The following SDK2 variants were observed in gnomAD, a reference collection of about 807,000 sequenced individuals.
SDK2 encodes the protein protein sidekick-2.
SDK2 carries 105 observed loss-of-function variants against 253.9 expected under a neutral mutation model. The ratio of observed to expected loss-of-function variants is 0.41; its 90% confidence interval spans 0.35 to 0.49. The LOEUF is 0.49. Ranked by LOEUF, SDK2 falls within the 20% of genes least tolerant of loss-of-function variation. SDK2 has a pLI of 0.06. For missense variants in SDK2, 2,608 were observed against 3,003.0 expected (o/e 0.87, Z 3.07); for synonymous variants, 1,249 against 1,234.9 (o/e 1.01, Z -0.24).
intron 27 of SDK2, among the ~76,000 whole-genome samples, chr17:73,391,838 G>A (rs897849173): frequency 1.8e-4 from 27 of 152,364 alleles, no homozygotes; most frequent in African/African-American, 6.3e-4. Context: ...AGAGCTGGGC[G>A]CGTGGGCCCT....
At chr17:73,498,447 G>A (rs995127388) in intron 2 of SDK2, among the ~76,000 whole-genome samples, 2 of 152,192 alleles carry the variant, frequency 1.3e-5, no homozygotes, top group Non-Finnish European at 2.9e-5. Context: ...CAGGGCAGGC[G>A]GGGCTGGCAC....
chr17:73,352,700 C>A lies in SDK2; in HGVS notation c.5594-63G>T. 6.4e-7 allele frequency: 1 copy of A among 1,559,276 alleles called. No individual in the cohort carries two copies. Among genetic ancestry groups the A allele is most frequent in the South Asian group, 1.1e-5 (1 of 86,988 alleles). ...GGGAAGCCCCAAATCCCGCTCCCAG[C>A]CCCGTTCTGACTATGCTCCCTGAGG... On this transcript the variant is annotated intron_variant, in intron 40 of 44. Coordinates refer to ENST00000392650, the MANE Select transcript of SDK2 (RefSeq NM_001144952.2). This position sits in a 1 kb window ranked among gnomAD's most constrained non-coding sequence, Gnocchi z 4.1.
chr17:73,556,638 A>G (rs1220821612), intron 1 of SDK2, among the ~76,000 whole-genome samples: 2 of 152,216 alleles, frequency 1.3e-5, no homozygotes, highest in South Asian at 2.1e-4. Context: ...CTGTTATTGT[A>G]TGGTTGTTAC....
Position 73,383,917 on chromosome 17 carries a change from C to T in SDK2, c.4664G>A (p.Arg1555Gln), listed in dbSNP as rs532828854. ...TGTGGCCCCTGGGTTGTTGATGCCTCGAAGCGTGAAGCCCCTCAGTCCTTC... is the reference window on the plus strand; with the variant it reads ...TGTGGCCCCTGGGTTGTTGATGCCTTGAAGCGTGAAGCCCCTCAGTCCTTC... ...LYEGLRGFTLRGINNPGATWA... is the reference protein window; with the variant it reads ...LYEGLRGFTLQGINNPGATWA... Residue 1555 changes from arginine (R) to glutamine (Q), a missense_variant, in exon 33 of 45, where the codon CGA (arginine) becomes CAA (glutamine). Transcript: ENST00000392650. This position sits in a 1 kb window ranked among gnomAD's most constrained non-coding sequence, Gnocchi z 4.3. 11 of 1,613,932 alleles carry T rather than the reference C, an allele frequency of 6.8e-6. No individual in the cohort carries two copies. The highest frequency in any genetic ancestry group is 2.2e-5 in the South Asian group (2 of 91,080).
chr17:73,591,953 A>G (rs1220357843), intron 1 of SDK2, among the ~76,000 whole-genome samples: 1 of 152,188 alleles, frequency 6.6e-6, no homozygotes, highest in East Asian at 1.9e-4. Context: ...AAGGCTGCCA[A>G]GAGCACACCC....
At chr17:73,365,821 G>A (rs1454381589) in intron 37 of SDK2, among the ~76,000 whole-genome samples, 1 of 152,118 alleles carries the variant, frequency 6.6e-6, no homozygotes, top group Non-Finnish European at 1.5e-5. Context: ...TTCGGTAGGC[G>A]CTAAACAAAG....
At chr17:73,536,531 T>A (rs2044776136) in intron 1 of SDK2, among the ~76,000 whole-genome samples, 1 of 152,116 alleles carries the variant, frequency 6.6e-6, no homozygotes, top group Admixed American at 6.5e-5. Context: ...CAGGGCTAGG[T>A]GTGCCGAAGC....
chr17:73,461,101 T>C (rs2063559831), intron 3 of SDK2, among the ~76,000 whole-genome samples: 1 of 152,242 alleles, frequency 6.6e-6, no homozygotes, highest in African/African-American at 2.4e-5. Context: ...ATTGCAATCC[T>C]GCATACACAT....
intron 3 of SDK2, among the ~76,000 whole-genome samples, chr17:73,459,147 G>A (rs1438054639): frequency 2.0e-5 from 3 of 152,020 alleles, no homozygotes; most frequent in Non-Finnish European, 2.9e-5. Context: ...AACTTCTCTG[G>A]GACATTACTG....
In SDK2 at chr17:73,338,462, A is replaced by G; in HGVS notation, c.*125T>C. 1 of 727,302 alleles carries G rather than the reference A, an allele frequency of 1.4e-6. No individual in the cohort carries two copies. Among genetic ancestry groups the G allele is most frequent in the Non-Finnish European group, 2.4e-6 (1 of 416,688 alleles). The allele number at this position is 727,302 out of a possible 1,614,324, so 45.1% of individuals were successfully genotyped here. A position where few individuals can be genotyped will look rare whatever the true frequency, so the allele number is the denominator to read the frequency against. ...TTGCTGGCCCTGGAATCTCTGGAAA[A>G]ATAAACTCAGGAGGTGAAAAGTTGA... On this transcript the variant is annotated 3_prime_UTR_variant, in exon 45 of 45. Transcript: ENST00000392650. This position sits in a 1 kb window ranked among gnomAD's most constrained non-coding sequence, Gnocchi z 5.0.
intron 1 of SDK2, among the ~76,000 whole-genome samples, chr17:73,538,847 C>T (rs182052792): frequency 6.6e-5 from 10 of 152,276 alleles, no homozygotes; most frequent in Non-Finnish European, 1.0e-4. Context: ...GATGGGGCAC[C>T]GACCAGTTAG....
chr17:73,523,975 T>C lies in SDK2; in HGVS notation c.65-16378A>G, dbSNP rs1267780905. ...CCTTAATCTGGTGTCTTCCACAGAA[T>C]AGGACCTCAGTGGACATTGAGCAAG... On this transcript the variant is annotated intron_variant, in intron 1 of 44. Coordinates refer to ENST00000392650, the MANE Select transcript of SDK2 (RefSeq NM_001144952.2). Among the ~76,000 whole-genome samples, 3 of 152,186 alleles carry C rather than the reference T, an allele frequency of 2.0e-5. No homozygotes were observed. The South Asian group carries it at 6.2e-4, about 32-fold the overall frequency.
rs1248323405 is a variant in SDK2 at position 73,541,963 on chromosome 17, T to C, written c.65-34366A>G. Among the ~76,000 whole-genome samples, 2 of 152,228 alleles carry C rather than the reference T, an allele frequency of 1.3e-5. No individual in the cohort carries two copies. The highest frequency in any genetic ancestry group is 2.9e-5 in the Non-Finnish European group (2 of 68,046). ...TCTCTGAGCCTGCCTCTTCTGCTGATAAACAGTGTCAATGGCATCTCTTTT... is the reference window on the plus strand; with the variant it reads ...TCTCTGAGCCTGCCTCTTCTGCTGACAAACAGTGTCAATGGCATCTCTTTT... On this transcript the variant is annotated intron_variant, in intron 1 of 44. Coordinates refer to ENST00000392650, the MANE Select transcript of SDK2 (RefSeq NM_001144952.2). This position sits in a 1 kb window ranked among gnomAD's most constrained non-coding sequence, Gnocchi z 4.3.
chr17:73,480,740 G>C (rs2063717117), intron 2 of SDK2, among the ~76,000 whole-genome samples: 1 of 152,048 alleles, frequency 6.6e-6, no homozygotes, highest in Admixed American at 6.6e-5. Context: ...AACAGAGTCA[G>C]AGAAAGAGAC....
rs1300864779 is a variant in SDK2 at position 73,424,088 on chromosome 17, T to G, written c.1588A>C (p.Ile530Leu). The change falls in exon 13 of 45, where the codon ATC (isoleucine) becomes CTC (leucine). Residue 530 changes from isoleucine (I) to leucine (L), a missense_variant. By Grantham distance (5) the Ile-to-Leu change is conservative. Around this residue, in one of 2 missense-constraint regions of SDK2, gnomAD observed 1,505 missense variants for 1,859.1 expected, o/e 0.81. Coordinates refer to ENST00000392650, the MANE Select transcript of SDK2 (RefSeq NM_001144952.2). ...THDPRVTIRYIWEKDGATLGT... is the reference protein window; with the variant it reads ...THDPRVTIRYLWEKDGATLGT... ...AGGGTGGCCCCGTCCTTCTCCCAGA[T>G]GTACCTAAAAGTAAGAAGAACCCGT... 2.5e-6 allele frequency: 4 copies of G among 1,611,362 alleles called. No individual in the cohort carries two copies. Among genetic ancestry groups the G allele is most frequent in the Non-Finnish European group, 3.4e-6 (4 of 1,179,370 alleles).
intron 1 of SDK2, among the ~76,000 whole-genome samples, chr17:73,548,826 G>A (rs1321173528): frequency 6.6e-6 from 1 of 152,236 alleles, no homozygotes; most frequent in African/African-American, 2.4e-5. Context: ...TAAGCTTGCT[G>A]CTATCCCACG....
chr17:73,500,165 G>A (rs1441492644), intron 2 of SDK2, among the ~76,000 whole-genome samples: 4 of 121,368 alleles, frequency 3.3e-5, no homozygotes, highest in Admixed American at 2.6e-4. Flanking sequence ...TCCATTCTCT[G>A]TCCATCCTCC....
At chr17:73,374,471 A>ATT (rs59277247) in intron 36 of SDK2, among the ~76,000 whole-genome samples, 10 of 131,546 alleles carry the variant, frequency 7.6e-5, no homozygotes, top group Non-Finnish European at 1.1e-4. Flanking sequence ...TTTGTCGGTA[A>ATT]TTTTTTTTTT....
chr17:73,348,530 G>A lies in SDK2; in HGVS notation c.6165+69C>T, dbSNP rs376913468. On this transcript the variant is annotated intron_variant, in intron 44 of 44. Coordinates refer to ENST00000392650, the MANE Select transcript of SDK2 (RefSeq NM_001144952.2). The stretch of plus-strand genomic sequence containing the variant: ...AAGGAAAGGAAGAAAGCCCATCTAC[G>A]TTCACTGCCCCACTCTGGGAGGCGC... 2.1e-5 allele frequency: 33 copies of A among 1,557,626 alleles called. No individual in the cohort carries two copies. In the South Asian group the frequency reaches 2.8e-4, roughly 13 times the overall value.
Sources: gnomAD v4.1 joint callset for allele counts (sites outside exome capture counted in the v4.1 genomes callset) on GRCh38, gnomAD v4.1.1 for gene constraint, gnomAD v4.1.1 regional missense constraint, Gnocchi (gnomAD v3.1) non-coding constraint, MANE v1.5 for transcripts, NCBI Gene and HGNC (gene_info 2026-07-23, HGNC 2026-07-21) for gene names.